The following AGBL3 variants were observed in gnomAD, a reference collection of about 807,000 sequenced individuals.
AGBL3 encodes the protein cytosolic carboxypeptidase 3.
Under a neutral mutation model 94.5 loss-of-function variants are expected in AGBL3, and 68 were observed. The ratio of observed to expected loss-of-function variants is 0.72; its 90% CI spans 0.59 to 0.88. The LOEUF (loss-of-function observed/expected upper bound fraction) is 0.88. Among genes scored for constraint, AGBL3 ranks in the 40% least tolerant of loss-of-function variants. AGBL3 has a pLI of 0.00. For synonymous variants in AGBL3, 354 were observed against 370.7 expected (o/e 0.95, Z 0.52); for missense variants, 934 against 1,103.8 (o/e 0.85, Z 2.18).
At chr7:135,095,753 A>G (rs1221860999) in intron 15 of AGBL3, among the ~76,000 whole-genome samples, 2 of 152,180 alleles carry the variant, frequency 1.3e-5, no homozygotes, top group Non-Finnish European at 2.9e-5. Context: ...GTTGGCAACC[A>G]TGATTTTTGC....
chr7:135,022,562 C>T (rs531801861), intron 5 of AGBL3, among the ~76,000 whole-genome samples: 2 of 151,746 alleles, frequency 1.3e-5, no homozygotes, highest in Middle Eastern at 3.4e-3. Context: ...GGATATTAGA[C>T]GTTTGTTAGA....
At chr7:135,089,069 T>C (rs63153861) in intron 15 of AGBL3, among the ~76,000 whole-genome samples, 2 of 39,106 alleles carry the variant, frequency 5.1e-5, no homozygotes, top group African/African-American at 1.5e-4. Flanking sequence ...TTTTTCATTC[T>C]TTTTTTTTTT....
chr7:135,076,270 C>G, intron 12 of AGBL3, 127 bp from the exon 13 acceptor site: 1 of 732,660 alleles, frequency 1.4e-6, no homozygotes. Context: ...TTTGGTTGTA[C>G]TTAGTGGGAG....
At chr7:134,986,949 G>A (rs1809531359) in intron 1 of AGBL3, among the ~76,000 whole-genome samples, 1 of 152,258 alleles carries the variant, frequency 6.6e-6, no homozygotes, top group African/African-American at 2.4e-5. Context: ...GTGGATAAGG[G>A]CCGTTTCCTG....
chr7:135,073,295 G>A (rs934703906), intron 12 of AGBL3, among the ~76,000 whole-genome samples: 39 of 151,694 alleles, frequency 2.6e-4, no homozygotes, highest in East Asian at 1.4e-3. Context: ...GTGAAACCCC[G>A]TCTCTACTAA....
chr7:135,012,273 G>C (rs1320353158), intron 4 of AGBL3: 1 of 152,066 alleles, frequency 6.6e-6, no homozygotes, highest in Non-Finnish European at 1.5e-5. Context: ...TGAATGCTTA[G>C]GTGGTAAAAT....
intron 4 of AGBL3, chr7:134,995,095 T>C (rs1252622701): frequency 6.6e-6 from 1 of 152,226 alleles, no homozygotes; most frequent in Non-Finnish European, 1.5e-5. Flanking sequence ...CTTTTTGTAC[T>C]TTGGTTCTGT....
chr7:135,037,544 C>T lies in AGBL3; in HGVS notation c.1464C>T (p.Ile488=), dbSNP rs1199039355. The T allele has an allele frequency of 6.5e-7, 1 of 1,544,172 alleles. No individual in the cohort carries two copies. Among genetic ancestry groups the T allele is most frequent in the African/African-American group, 1.4e-5 (1 of 72,682 alleles). ...RSKTLYLQQR[I]FPLMLSKNCP... ...AGACATTATACTTACAGCAACGAAT[C>T]TTCCCACTTATGCTAAGCAAAAATT... The change falls in exon 8 of 17, where the codon ATC becomes ATT. Residue 488 remains isoleucine, a synonymous_variant. Transcript: ENST00000436302.
chr7:135,097,144 G>T (rs913354132), intron 15 of AGBL3, among the ~76,000 whole-genome samples: 16 of 152,110 alleles, frequency 1.1e-4, no homozygotes, highest in Admixed American at 9.2e-4. Context: ...TCCCTTGATT[G>T]CTTGATGAAA....
Position 135,020,787 on chromosome 7 carries a change from T to C in AGBL3, c.418+3628T>C, listed in dbSNP as rs527744982. 2.0e-3 allele frequency among the ~76,000 whole-genome samples: 303 copies of C among 151,982 alleles called. 1 individual carries two copies. The highest frequency in any genetic ancestry group is 6.9e-3 in the African/African-American group (287 of 41,420). On this transcript the variant is annotated intron_variant, in intron 5 of 16. Coordinates refer to ENST00000436302, the MANE Select transcript of AGBL3 (RefSeq NM_178563.4). ...ACATGGATTAAGCTGGAAACCATCA[T>C]TCTGAGCAAAGTATCGCAAGGCCAA...
rs768506383 is a variant in AGBL3, at chr7:135,034,716, A to C, written c.1125A>C (p.Lys375Asn). 1 of 1,550,656 alleles carries C rather than the reference A, an allele frequency of 6.4e-7. No individual in the cohort carries two copies. The highest frequency in any genetic ancestry group is 1.2e-5 in the South Asian group (1 of 83,934). Residue 375 changes from lysine (K) to asparagine (N), a missense_variant, in exon 7 of 17, where the codon AAA becomes AAC. Physicochemically the swap from Lys to Asn is moderately conservative, Grantham distance 94. This residue lies in a region of AGBL3 where 488 missense variants were observed against 563.6 expected (regional missense o/e 0.87). Coordinates refer to ENST00000436302, the MANE Select transcript of AGBL3 (RefSeq NM_178563.4). ...AAACCAACAGCTCTTGGATCATGAAAGGCTTCCTAGATTATATTTTAGGAA... is the reference window on the plus strand; with the variant it reads ...AAACCAACAGCTCTTGGATCATGAACGGCTTCCTAGATTATATTTTAGGAA... ...PGETNSSWIM[K>N]GFLDYILGNS...
chr7:135,069,987 TAAA>T (rs1446586811), intron 12 of AGBL3, among the ~76,000 whole-genome samples: 1 of 151,732 alleles, frequency 6.6e-6, no homozygotes, highest in Non-Finnish European at 1.5e-5. Flanking sequence ...GCAAGATTAA[TAAA>T]GAAGAAAAGA....
At chr7:135,068,729 G>A (rs1819599259) in intron 12 of AGBL3, among the ~76,000 whole-genome samples, 1 of 152,184 alleles carries the variant, frequency 6.6e-6, no homozygotes, top group African/African-American at 2.4e-5. Flanking sequence ...GAGAGCTCCT[G>A]AAGGAAGCAC....
chr7:135,037,682 TTTAG>T (rs1816448122), intron 8 of AGBL3, 102 bp downstream of exon 8: 4 of 957,536 alleles, frequency 4.2e-6, no homozygotes. Context: ...CTGCTTTTTT[TTTAG>T]TTAGTTTGAC....
chr7:135,048,327 C>T (rs529936400), intron 11 of AGBL3, among the ~76,000 whole-genome samples: 6 of 151,814 alleles, frequency 4.0e-5, no homozygotes, highest in African/African-American at 1.2e-4. Context: ...TTTGATGTGG[C>T]TATTCATGGT....
chr7:135,125,033 CAAGA>C lies in AGBL3; in HGVS notation c.2342+9425_2342+9428del, dbSNP rs578012445. On this transcript the variant is annotated intron_variant, in intron 16 of 16. Transcript: ENST00000436302. ...AACTAATCCAAAAGCTAGCAGAAGA[CAAGA>C]AATAACTAAGATTAGAGCAGAATTG... Among the ~76,000 whole-genome samples, 1,079 of 151,868 alleles carry C rather than the reference CAAGA, an allele frequency of 7.1e-3. 6 individuals are homozygous for C. Among genetic ancestry groups the C allele is most frequent in the Non-Finnish European group, 0.011 (751 of 67,952 alleles).
In AGBL3 at chr7:134,987,940, GA is replaced by G; in HGVS notation, c.9del (p.Asp4IlefsTer24). MS[E>X]DSEKEDYSDR... ...AAGTCAAACACTGGAAAAGATGTCA[GA>G]AGATTCAGAAAAGGAAGACTATTCA... is the stretch of plus-strand genomic sequence containing the variant. On this transcript the variant is annotated frameshift_variant, in exon 2 of 17. Transcript: ENST00000436302. LOFTEE classifies it high-confidence loss of function. The G allele has an allele frequency of 1.3e-6, 2 of 1,548,248 alleles. No individual in the cohort carries two copies. Among genetic ancestry groups the G allele is most frequent in the Non-Finnish European group, 1.7e-6 (2 of 1,145,678 alleles).
chr7:134,991,846 C>A (rs1810326605), intron 3 of AGBL3, among the ~76,000 whole-genome samples: 2 of 152,064 alleles, frequency 1.3e-5, no homozygotes, highest in South Asian at 4.1e-4. Flanking sequence ...CAGTTTCTAT[C>A]TGAGATTTAG....
intron 5 of AGBL3, among the ~76,000 whole-genome samples, chr7:135,024,389 C>T (rs548132807): frequency 1.3e-5 from 2 of 152,256 alleles, no homozygotes; most frequent in South Asian, 2.1e-4. Context: ...AACATTCTGC[C>T]CAATATACAT....
Sources: gnomAD v4.1 joint callset for allele counts (sites outside exome capture counted in the v4.1 genomes callset) on GRCh38, gnomAD v4.1.1 for gene constraint, gnomAD v4.1.1 regional missense constraint, MANE v1.5 for transcripts, NCBI Gene and HGNC (gene_info 2026-07-23, HGNC 2026-07-21) for gene names.